MEGF10: variants seen among roughly 807,000 people sequenced by gnomAD.
MEGF10 encodes multiple epidermal growth factor-like domains protein 10.
In MEGF10, 86 loss-of-function variants were observed where a neutral mutation model predicts 147.5. The observed-to-expected ratio is 0.58, with a 90% CI of 0.49 to 0.70. The LOEUF is 0.70. MEGF10 is among the 30% of genes least tolerant of loss of function. MEGF10 has a pLI of 0.00. For synonymous variants in MEGF10, 478 were observed against 525.5 expected (o/e 0.91, Z 1.24); for missense variants, 1,329 against 1,487.3 (o/e 0.89, Z 1.75).
At chr5:127,434,865 G>A (rs1039103638) in intron 15 of MEGF10, 44 bp downstream of exon 15, 5 of 1,585,266 alleles carry the variant, frequency 3.2e-6, no homozygotes, top group South Asian at 2.3e-5. Flanking sequence ...TGATGAGCAC[G>A]CCCCGGAGAG....
chr5:127,309,926 A>G (rs1006134796), intron 1 of MEGF10, among the ~76,000 whole-genome samples: 24 of 145,578 alleles, frequency 1.6e-4, no homozygotes, highest in East Asian at 4.2e-4. Flanking sequence ...AAGAGTTCCA[A>G]TTTTTCCACA....
chr5:127,402,284 T>G lies in MEGF10; in HGVS notation c.781-262T>G, dbSNP rs182649951. On this transcript the variant is annotated intron_variant, in intron 7 of 24. Transcript: ENST00000503335. ...CTTTGTTTTAAACTTCAGTTTTTAATATGGATTTTGCTTAACATTACTATT... is the reference window on the plus strand; with the variant it reads ...CTTTGTTTTAAACTTCAGTTTTTAAGATGGATTTTGCTTAACATTACTATT... Among the ~76,000 whole-genome samples, 66 of 152,356 alleles carry G rather than the reference T, an allele frequency of 4.3e-4. 1 individual carries two copies. Among genetic ancestry groups the G allele is most frequent in the African/African-American group, 1.5e-3 (63 of 41,598 alleles).
At chr5:127,255,993 C>T in the MEGF10 span, among the ~76,000 whole-genome samples, 1 of 152,272 alleles carries the variant, frequency 6.6e-6, no homozygotes, top group Admixed American at 6.5e-5. Context: ...CCCCAACAGG[C>T]ACCAGAGAAA....
At position 127,457,916 on chromosome 5, in the gene MEGF10, T is replaced by G. The variant is rs1766424289; in HGVS notation, c.*598T>G. On this transcript the variant is annotated 3_prime_UTR_variant, in exon 25 of 25. Transcript: ENST00000503335. ...TATACTCTAAAAGTGGACAGAAAAT[T>G]TACGAAAATCTTAGATTTTGTTTAG... The G allele has an allele frequency of 6.6e-6, 1 of 152,196 alleles. No homozygotes were observed. Among genetic ancestry groups the G allele is most frequent in the East Asian group, 1.9e-4 (1 of 5,192 alleles). The allele number at this position is 152,196 out of a possible 1,614,324, so 9.4% of individuals were successfully genotyped here. A position where few individuals can be genotyped will look rare whatever the true frequency, so the allele number is the denominator to read the frequency against.
chr5:127,385,278 A>C (rs1252041265), intron 5 of MEGF10, among the ~76,000 whole-genome samples: 2 of 152,094 alleles, frequency 1.3e-5, no homozygotes. Context: ...ATTTTGATGC[A>C]TCCTAATAAA....
chr5:127,264,789 T>G, the MEGF10 span, among the ~76,000 whole-genome samples: 1 of 152,118 alleles, frequency 6.6e-6, no homozygotes, highest in African/African-American at 2.4e-5. Flanking sequence ...AAATGTGAAT[T>G]TTAACTCTTT....
At chr5:127,367,025 G>T (rs1286517367) in intron 4 of MEGF10, among the ~76,000 whole-genome samples, 1 of 152,110 alleles carries the variant, frequency 6.6e-6, no homozygotes. Flanking sequence ...TTAGAGCAGG[G>T]TGCTAGGCTG....
At chr5:127,237,552 GAGA>G in the MEGF10 span, among the ~76,000 whole-genome samples, 1 of 152,152 alleles carries the variant, frequency 6.6e-6, no homozygotes, top group African/African-American at 2.4e-5. Flanking sequence ...TGAAAAATAA[GAGA>G]AGAAGAAGAA....
At chr5:127,420,787 C>T (rs1265896245) in intron 12 of MEGF10, among the ~76,000 whole-genome samples, 1 of 152,206 alleles carries the variant, frequency 6.6e-6, no homozygotes, top group African/African-American at 2.4e-5. Context: ...CTACCTCAAG[C>T]TGTCAGGGAG....
At chr5:127,380,597 A>T (rs1763215595) in intron 5 of MEGF10, among the ~76,000 whole-genome samples, 1 of 151,086 alleles carries the variant, frequency 6.6e-6, no homozygotes, top group Non-Finnish European at 1.5e-5. Flanking sequence ...GGCTCACTGC[A>T]ACCCCCGCCT....
chr5:127,290,267 T>A (rs1255073412), upstream of MEGF10, among the ~76,000 whole-genome samples: 1 of 151,976 alleles, frequency 6.6e-6, no homozygotes, highest in East Asian at 1.9e-4. Flanking sequence ...CCTTTCCATG[T>A]ACTTTGCTGC....
chr5:127,455,246 C>A (rs1468368816), intron 23 of MEGF10, among the ~76,000 whole-genome samples, 155 bp from the exon 24 acceptor site: 1 of 152,180 alleles, frequency 6.6e-6, no homozygotes, highest in African/African-American at 2.4e-5. Context: ...CATTTTATAG[C>A]AGATTCTCTC....
At chr5:127,453,560 T>C (rs150381694) in intron 22 of MEGF10, among the ~76,000 whole-genome samples, 133 of 152,298 alleles carry the variant, frequency 8.7e-4, no homozygotes, top group African/African-American at 2.9e-3. Flanking sequence ...CAAATTTTGT[T>C]TTCCCCATTT....
chr5:127,307,733 T>C (rs1760077413), intron 1 of MEGF10, among the ~76,000 whole-genome samples: 1 of 152,214 alleles, frequency 6.6e-6, no homozygotes, highest in African/African-American at 2.4e-5. Flanking sequence ...GGAACATGTA[T>C]AAAAATTAAT....
chr5:127,455,529 A>T lies in MEGF10; in HGVS notation c.3154A>T (p.Lys1052Ter). Reference sequence around the variant, plus strand: ...CTCAGAGTGTGGTTATGTGGAGATGAAATCGCCGGCACGAAGAGATTCCCC... The same window carrying T: ...CTCAGAGTGTGGTTATGTGGAGATGTAATCGCCGGCACGAAGAGATTCCCC... ...KSSECGYVEM[K>*]SPARRDSPYA... Residue 1052 changes from lysine to a stop codon, truncating the protein, a stop_gained, in exon 24 of 25, where the codon AAA (lysine) becomes TAA (stop). Transcript: ENST00000503335. LOFTEE classifies it high-confidence loss of function. 1 of 1,614,142 alleles carries T rather than the reference A, an allele frequency of 6.2e-7. No individual in the cohort carries two copies. The highest frequency in any genetic ancestry group is 8.5e-7 in the Non-Finnish European group (1 of 1,180,014).
intron 8 of MEGF10, among the ~76,000 whole-genome samples, chr5:127,404,530 A>G (rs1224104698): frequency 6.6e-6 from 1 of 152,122 alleles, no homozygotes; most frequent in East Asian, 1.9e-4. Context: ...TTTGCTCTAC[A>G]GAAAATTTTT....
At chr5:127,246,568 C>A in the MEGF10 span, among the ~76,000 whole-genome samples, 1 of 150,940 alleles carries the variant, frequency 6.6e-6, no homozygotes, top group Admixed American at 6.6e-5. Context: ...CAAACCTGCA[C>A]ATTCTGCACG....
chr5:127,362,896 T>G (rs1762528076), intron 4 of MEGF10, among the ~76,000 whole-genome samples: 1 of 152,228 alleles, frequency 6.6e-6, no homozygotes, highest in African/African-American at 2.4e-5. Flanking sequence ...ATAATTCTAT[T>G]TTATCTTCTT....
At chr5:127,352,538 A>G (rs1265279752) in intron 4 of MEGF10, among the ~76,000 whole-genome samples, 1 of 152,076 alleles carries the variant, frequency 6.6e-6, no homozygotes, top group Non-Finnish European at 1.5e-5. Flanking sequence ...ATGCACACCT[A>G]TAATCCCAGT....
Sources: allele counts gnomAD v4.1 joint callset (sites outside exome capture counted in the v4.1 genomes callset), GRCh38; gene constraint gnomAD v4.1.1; transcripts MANE v1.5; gene names NCBI Gene and HGNC (gene_info 2026-07-23, HGNC 2026-07-21).